SERPINB6: variants seen among roughly 807,000 people sequenced by gnomAD.
SERPINB6 encodes serpin family B member 6, also known as serpin B6.
SERPINB6 carries 16 observed loss-of-function variants against 26.1 expected under a neutral mutation model. The observed-to-expected ratio is 0.61, with a 90% confidence interval of 0.42 to 0.93. SERPINB6 has a LOEUF of 0.93. SERPINB6 is among the 40% of genes least tolerant of loss of function. SERPINB6 has a pLI of 0.00. For synonymous variants in SERPINB6, 174 were observed against 176.6 expected (o/e 0.99, Z 0.11); for missense variants, 420 against 478.0 (o/e 0.88, Z 1.13).
At chr6:2,966,145 A>G (rs1479853692) in intron 1 of SERPINB6, among the ~76,000 whole-genome samples, 2 of 151,570 alleles carry the variant, frequency 1.3e-5, no homozygotes, top group African/African-American at 4.9e-5. Context: ...GGTTTTTACA[A>G]CTACTGTGTT....
chr6:2,952,466 C>A (rs1198121205), intron 5 of SERPINB6, among the ~76,000 whole-genome samples: 2 of 152,250 alleles, frequency 1.3e-5, no homozygotes, highest in Non-Finnish European at 2.9e-5. Flanking sequence ...ATGACATCTT[C>A]CACGCTGGAG....
chr6:2,963,641 G>A (rs1209385707), intron 1 of SERPINB6: 2 of 152,464 alleles, frequency 1.3e-5, no homozygotes, highest in East Asian at 3.9e-4. Flanking sequence ...AGCAGGGACA[G>A]AGCTTGGCCC....
chr6:2,966,866 G>T, intron 1 of SERPINB6: 3 of 842,788 alleles, frequency 3.6e-6, no homozygotes, highest in Non-Finnish European at 4.3e-6. Context: ...GGTGGCCGAG[G>T]CTGGTCCCAA....
chr6:2,954,969 CGTGT>C, intron 3 of SERPINB6: 2 of 433,704 alleles, frequency 4.6e-6, no homozygotes, highest in South Asian at 2.4e-5. Context: ...GCGGGTGGAT[CGTGT>C]GAGCTCAGGA....
chr6:2,952,959 C>G, intron 5 of SERPINB6, 85 bp downstream of exon 5: 2 of 1,583,924 alleles, frequency 1.3e-6, no homozygotes, highest in Non-Finnish European at 1.7e-6. Flanking sequence ...GACAGAAAGG[C>G]CCCACGGCTG....
chr6:2,953,210 C>T, intron 4 of SERPINB6, 24 bp from the exon 5 acceptor site: 3 of 1,614,032 alleles, frequency 1.9e-6, no homozygotes, highest in Non-Finnish European at 2.5e-6. Flanking sequence ...TTCAAGACCG[C>T]ATTAGATAGG....
intron 1 of SERPINB6, chr6:2,970,128 A>C (rs1012400353): frequency 1.0e-6 from 1 of 985,106 alleles, no homozygotes; most frequent in African/African-American, 1.7e-5. Flanking sequence ...TAAGCCTGGA[A>C]ATGTAAGGTG....
chr6:2,965,367 G>A (rs1052916370), intron 1 of SERPINB6, among the ~76,000 whole-genome samples: 11 of 152,216 alleles, frequency 7.2e-5, no homozygotes, highest in African/African-American at 1.9e-4. Context: ...CATAGACGGG[G>A]ACAAGTTTCC....
chr6:2,963,672 C>T (rs6939693), intron 1 of SERPINB6: 23,887 of 152,304 alleles, frequency 0.16, 2,332 homozygotes, highest in African/African-American at 0.27. Flanking sequence ...CCGTATTTTC[C>T]ATACATCCCC....
At chr6:2,961,418 C>G (rs976361491) in intron 1 of SERPINB6, 1 of 152,128 alleles carries the variant, frequency 6.6e-6, no homozygotes, top group Admixed American at 6.5e-5. Context: ...TTCCGCAGAG[C>G]CCTGGGAACA....
intron 1 of SERPINB6, among the ~76,000 whole-genome samples, chr6:2,965,393 G>A (rs1771530828): frequency 6.6e-6 from 1 of 151,936 alleles, no homozygotes; most frequent in Admixed American, 6.6e-5. Flanking sequence ...ATAATACATG[G>A]CCAATTTATA....
intron 1 of SERPINB6, chr6:2,968,743 G>A: frequency 8.1e-7 from 1 of 1,231,596 alleles, no homozygotes; most frequent in Non-Finnish European, 1.0e-6. Flanking sequence ...ACATAGTTAA[G>A]AGGAAAACAC....
At position 2,948,537 on chromosome 6, in the gene SERPINB6, C is replaced by A. The variant is rs767790339; in HGVS notation, c.892G>T (p.Gly298Cys). Residue 298 changes from glycine (G) to cysteine (C), a missense_variant, in exon 7 of 7, where the codon GGC (glycine) becomes TGC (cysteine). Coordinates refer to ENST00000380539, the MANE Select transcript of SERPINB6 (RefSeq NM_004568.6). The surrounding 1 kb of genome is among the most constrained non-coding windows in gnomAD (Gnocchi z 5.0). ...NLGMTDAFEL[G>C]KADFSGMSQT... The stretch of plus-strand genomic sequence containing the variant: ...GACATTCCAGAGAAGTCTGCCTTGC[C>A]CAGCTCGAAGGCATCAGTCATGCCC... 6.2e-7 allele frequency: 1 copy of A among 1,614,186 alleles called. No homozygotes were observed. Among genetic ancestry groups the A allele is most frequent in the Non-Finnish European group, 8.5e-7 (1 of 1,180,028 alleles).
chr6:2,961,505 C>T (rs1771099282), intron 1 of SERPINB6, among the ~76,000 whole-genome samples: 1 of 152,102 alleles, frequency 6.6e-6, no homozygotes, highest in Non-Finnish European at 1.5e-5. Context: ...GATTCTAGAT[C>T]ACAAGAACTG....
intron 1 of SERPINB6, chr6:2,960,321 G>A (rs1396563093): frequency 1.3e-5 from 2 of 152,328 alleles, no homozygotes; most frequent in African/African-American, 4.8e-5. Flanking sequence ...CTAAGAAGTA[G>A]CTGGGCTTGA....
intron 1 of SERPINB6, chr6:2,969,619 T>G (rs1477533618): frequency 1.0e-6 from 1 of 985,228 alleles, no homozygotes; most frequent in African/African-American, 1.7e-5. Flanking sequence ...AATCAAGTCT[T>G]AATTTTTTTT....
In SERPINB6 at chr6:2,948,468, C is replaced by G. The variant is rs1769363579; in HGVS notation, c.961G>C (p.Val321Leu). 1 of 1,614,112 alleles carries G rather than the reference C, an allele frequency of 6.2e-7. No homozygotes were observed. The change falls in exon 7 of 7, where the codon GTG (valine) becomes CTG (leucine). Residue 321 changes from valine to leucine, a missense_variant. Coordinates refer to ENST00000380539, the MANE Select transcript of SERPINB6 (RefSeq NM_004568.6). This position sits in a 1 kb window ranked among gnomAD's most constrained non-coding sequence, Gnocchi z 5.0. ...TCCGTGCCTTCCTCATTGACCTCCACAAAAGACTTGTGCACGACCTTGGAC... is the reference window on the plus strand; with the variant it reads ...TCCGTGCCTTCCTCATTGACCTCCAGAAAAGACTTGTGCACGACCTTGGAC... The part of the protein sequence containing the change: ...SLSKVVHKSF[V>L]EVNEEGTEAA...
At chr6:2,954,556 G>A in intron 4 of SERPINB6, 36 bp downstream of exon 4, 1 of 1,449,260 alleles carries the variant, frequency 6.9e-7, no homozygotes, top group Non-Finnish European at 9.7e-7. Flanking sequence ...TGGATTAAGA[G>A]GTTATTACAA....
rs563489877 is a variant in SERPINB6 at position 2,964,044 on chromosome 6, A to C, written c.-10-4702T>G. The C allele has an allele frequency of 3.3e-4, 50 of 152,388 alleles. 1 individual carries two copies. The highest frequency in any genetic ancestry group is 1.2e-3 in the African/African-American group (49 of 41,568). 9.4% of individuals were successfully genotyped at this position (152,388 alleles called of 1,614,324 possible). ...CCCTGTGCCGCTGCCCTCCTGCTCC[A>C]GCATAAGCCCATTATAAAGCCTTGT... On this transcript the variant is annotated intron_variant, in intron 1 of 6. Coordinates refer to ENST00000380539, the MANE Select transcript of SERPINB6 (RefSeq NM_004568.6).
Sources: gnomAD v4.1 joint callset for allele counts (sites outside exome capture counted in the v4.1 genomes callset) on GRCh38, gnomAD v4.1.1 for gene constraint, Gnocchi (gnomAD v3.1) non-coding constraint, MANE v1.5 for transcripts, NCBI Gene and HGNC (gene_info 2026-07-23, HGNC 2026-07-21) for gene names.